The following NFYC variants were observed in gnomAD, a reference collection of about 807,000 sequenced individuals.
NFYC encodes CAAT box DNA-binding protein subunit C.
In NFYC, 25 loss-of-function variants were observed where a neutral mutation model predicts 53.1. The observed-to-expected ratio is 0.47, with a 90% CI of 0.34 to 0.66. NFYC has a LOEUF of 0.66. NFYC is among the 30% of genes least tolerant of loss of function. The probability of loss-of-function intolerance (pLI) is 0.01; values close to 1 mark genes in which losing one functional copy is unlikely to be tolerated. For missense variants in NFYC, 260 were observed against 422.7 expected (o/e 0.62, Z 3.38); for synonymous variants, 145 against 152.6 (o/e 0.95, Z 0.37).
chr1:40,711,787 CTGTG>C (rs1377544283), intron 1 of NFYC, among the ~76,000 whole-genome samples: 1 of 152,138 alleles, frequency 6.6e-6, no homozygotes, highest in Non-Finnish European at 1.5e-5. Context: ...CCATGGGTGG[CTGTG>C]TGTGTAAGTG....
At chr1:40,753,076 T>C (rs980880171) in intron 4 of NFYC, 75 bp from the exon 5 acceptor site, 11 of 1,085,646 alleles carry the variant, frequency 1.0e-5, no homozygotes, top group African/African-American at 4.6e-5. Context: ...CGTCTTACCT[T>C]ACTTGGAGGG....
chr1:40,718,964 C>G (rs990676830), intron 1 of NFYC, among the ~76,000 whole-genome samples: 1 of 152,168 alleles, frequency 6.6e-6, no homozygotes, highest in African/African-American at 2.4e-5. Context: ...CTCTGCCTCC[C>G]AGGTTCAAGC....
chr1:40,720,673 C>A (rs899559853), intron 1 of NFYC, among the ~76,000 whole-genome samples: 8 of 152,052 alleles, frequency 5.3e-5, no homozygotes, highest in Non-Finnish European at 7.4e-5. Flanking sequence ...TTGAGACCAG[C>A]CTGGGCAAGA....
intron 1 of NFYC, among the ~76,000 whole-genome samples, chr1:40,696,212 A>G (rs2148402277): frequency 6.6e-6 from 1 of 152,060 alleles, no homozygotes; most frequent in Middle Eastern, 3.4e-3. Flanking sequence ...TTTAGTAGAG[A>G]CGGGGTTTCA....
chr1:40,763,354 T>TG (rs1557924888), intron 7 of NFYC: 1 of 456,840 alleles, frequency 2.2e-6, no homozygotes, highest in Admixed American at 2.3e-5. Context: ...ATCCTTTTTT[T>TG]CTTTTTAGGA....
At chr1:40,763,401 C>T in intron 7 of NFYC, 1 of 454,786 alleles carries the variant, frequency 2.2e-6, no homozygotes, top group Middle Eastern at 4.8e-4. Context: ...TGATGAAGTG[C>T]AGTGGCTTGA....
intron 1 of NFYC, among the ~76,000 whole-genome samples, chr1:40,727,171 C>T (rs116092996): frequency 0.019 from 2,831 of 152,258 alleles, 93 homozygotes; most frequent in African/African-American, 0.064. Context: ...TATATTTTGA[C>T]TTCCTCCCAT....
chr1:40,734,597 G>A (rs763901090), intron 1 of NFYC, among the ~76,000 whole-genome samples: 3 of 152,052 alleles, frequency 2.0e-5, no homozygotes, highest in South Asian at 4.1e-4. Flanking sequence ...CTGACCTCAG[G>A]TGATCCACCC....
chr1:40,770,268 T>A lies in NFYC; in HGVS notation c.889-441T>A. The A allele has an allele frequency of 1.1e-6, 1 of 906,578 alleles. No individual in the cohort carries two copies. Among genetic ancestry groups the A allele is most frequent in the Non-Finnish European group, 1.6e-6 (1 of 611,108 alleles). The allele number at this position is 906,578 out of a possible 1,614,324, so 56.2% of individuals were successfully genotyped here. On this transcript the variant is annotated intron_variant, in intron 9 of 9. Transcript: ENST00000447388. This position sits in a 1 kb window ranked among gnomAD's most constrained non-coding sequence, Gnocchi z 5.3. Reference sequence around the variant, plus strand: ...CAGTTTAGTTTCAACCTGAGCCAGATATTCTGAGAAAAGAAGGAGAGGAGG... The same window carrying A: ...CAGTTTAGTTTCAACCTGAGCCAGAAATTCTGAGAAAAGAAGGAGAGGAGG...
chr1:40,711,470 A>G (rs1227345560), intron 1 of NFYC, among the ~76,000 whole-genome samples: 1 of 152,142 alleles, frequency 6.6e-6, no homozygotes, highest in Non-Finnish European at 1.5e-5. Context: ...AGGGGAGGCA[A>G]AAGTGAAGGT....
chr1:40,707,493 A>AAG (rs143837443), intron 1 of NFYC, among the ~76,000 whole-genome samples: 1 of 140,436 alleles, frequency 7.1e-6, no homozygotes, highest in East Asian at 2.1e-4. Flanking sequence ...AAAAAAAAAA[A>AAG]AGAGAGAGAG....
At chr1:40,769,116 G>A in intron 8 of NFYC, 1 of 486,154 alleles carries the variant, frequency 2.1e-6, no homozygotes, top group Non-Finnish European at 3.8e-6. Context: ...AGAGAGATGG[G>A]TGTGGGAACT....
Position 40,771,106 on chromosome 1 carries a change from C to A in NFYC, c.*278C>A. On this transcript the variant is annotated 3_prime_UTR_variant, in exon 10 of 10. Coordinates refer to ENST00000447388, the MANE Select transcript of NFYC (RefSeq NM_014223.5). ...GCTATGAAATTAAAATATTAAATAA[C>A]ATATTTATGGCATTTTCTTGAAGAG... 1 of 486,302 alleles carries A rather than the reference C, an allele frequency of 2.1e-6. No homozygotes were observed. Among genetic ancestry groups the A allele is most frequent in the Non-Finnish European group, 3.7e-6 (1 of 273,828 alleles). 30.1% of individuals were successfully genotyped at this position (486,302 alleles called of 1,614,324 possible). A position where few individuals can be genotyped will look rare whatever the true frequency, so the allele number is the denominator to read the frequency against.
At chr1:40,767,482 A>G (rs563332031) in intron 8 of NFYC, among the ~76,000 whole-genome samples, 1 of 152,206 alleles carries the variant, frequency 6.6e-6, no homozygotes, top group South Asian at 2.1e-4. Context: ...TGAGTTCCAT[A>G]TAGTCTCTGG....
At chr1:40,702,548 TA>T (rs777579958) in intron 1 of NFYC, among the ~76,000 whole-genome samples, 5 of 152,048 alleles carry the variant, frequency 3.3e-5, no homozygotes, top group Non-Finnish European at 7.4e-5. Context: ...TTCACCATGT[TA>T]GCCAGGATGA....
chr1:40,693,948 A>C (rs1339741242), intron 1 of NFYC, among the ~76,000 whole-genome samples: 2 of 152,248 alleles, frequency 1.3e-5, no homozygotes, highest in Non-Finnish European at 2.9e-5. Context: ...TATTCAAATC[A>C]TATCCCTTGG....
chr1:40,740,895 C>T (rs1401545616), intron 2 of NFYC, among the ~76,000 whole-genome samples: 3 of 151,018 alleles, frequency 2.0e-5, no homozygotes, highest in African/African-American at 2.4e-5. Flanking sequence ...AAGCTCAGCA[C>T]TTAACTTTTC....
chr1:40,710,216 G>C (rs1334291794), intron 1 of NFYC, among the ~76,000 whole-genome samples: 4 of 152,142 alleles, frequency 2.6e-5, no homozygotes, highest in Non-Finnish European at 4.4e-5. Context: ...TTAGAATGCT[G>C]GTTAGAAATA....
intron 1 of NFYC, among the ~76,000 whole-genome samples, chr1:40,711,639 T>C (rs1457052832): frequency 6.6e-6 from 1 of 152,190 alleles, no homozygotes; most frequent in South Asian, 2.1e-4. Flanking sequence ...GTACAAAACC[T>C]TTGATGACTA....
Sources: gnomAD v4.1 joint callset for allele counts (sites outside exome capture counted in the v4.1 genomes callset) on GRCh38, gnomAD v4.1.1 for gene constraint, Gnocchi (gnomAD v3.1) non-coding constraint, MANE v1.5 for transcripts, NCBI Gene and HGNC (gene_info 2026-07-23, HGNC 2026-07-21) for gene names.